The following GALNTL6 variants were observed in gnomAD, a reference collection of about 807,000 sequenced individuals.
The protein encoded by GALNTL6 is polypeptide N-acetylgalactosaminyltransferase like 6.
A neutral mutation model predicts 73.7 loss-of-function variants in GALNTL6; 46 were observed. The observed-to-expected ratio is 0.62, with a 90% CI of 0.49 to 0.80. The LOEUF is 0.80. Among genes scored for constraint, GALNTL6 ranks in the 30% least tolerant of loss-of-function variants. The pLI is 0.00. For synonymous variants in GALNTL6, 259 were observed against 263.7 expected, an observed-to-expected ratio of 0.98 and a Z score of 0.17; for missense variants, 604 against 755.0, an observed-to-expected ratio of 0.80 and a Z score of 2.34.
intron 5 of GALNTL6, among the ~76,000 whole-genome samples, chr4:172,457,243 A>G (rs1306220934): frequency 6.6e-6 from 1 of 152,090 alleles, no homozygotes; most frequent in Non-Finnish European, 1.5e-5. Context: ...AAACAGTACC[A>G]GCCACTGCAA....
chr4:172,919,996 A>T (rs1579655246), intron 8 of GALNTL6, among the ~76,000 whole-genome samples: 1 of 152,236 alleles, frequency 6.6e-6, no homozygotes, highest in African/African-American at 2.4e-5. Flanking sequence ...GAACAATGTA[A>T]CCTCTGAAGC....
At chr4:172,042,118 T>C (rs995251183) in intron 2 of GALNTL6, among the ~76,000 whole-genome samples, 2 of 152,022 alleles carry the variant, frequency 1.3e-5, no homozygotes, top group Non-Finnish European at 2.9e-5. Context: ...CTGAACATTT[T>C]AGGTAAAGAC....
chr4:172,762,978 A>T (rs1331937826), intron 5 of GALNTL6, among the ~76,000 whole-genome samples: 2 of 150,020 alleles, frequency 1.3e-5, no homozygotes, highest in East Asian at 3.9e-4. Context: ...CTGCCATATG[A>T]TGGCTGCCAG....
chr4:172,815,438 A>C (rs1476087614), intron 7 of GALNTL6, among the ~76,000 whole-genome samples: 3 of 152,170 alleles, frequency 2.0e-5, no homozygotes, highest in African/African-American at 7.2e-5. Flanking sequence ...TATGATGTGA[A>C]AGTACACATT....
At chr4:172,865,198 C>T (rs1303507708) in intron 7 of GALNTL6, among the ~76,000 whole-genome samples, 2 of 152,226 alleles carry the variant, frequency 1.3e-5, no homozygotes, top group Non-Finnish European at 2.9e-5. Flanking sequence ...AGAGAAAAGG[C>T]TGGTGCACTA....
At chr4:171,995,355 C>T (rs1477697707) in intron 2 of GALNTL6, among the ~76,000 whole-genome samples, 3 of 151,770 alleles carry the variant, frequency 2.0e-5, no homozygotes, top group African/African-American at 7.3e-5. Flanking sequence ...AAAAACATAC[C>T]TAACAGTGAG....
intron 5 of GALNTL6, among the ~76,000 whole-genome samples, chr4:172,759,331 A>G (rs1267405638): frequency 1.3e-5 from 2 of 152,198 alleles, no homozygotes; most frequent in African/African-American, 4.8e-5. Context: ...AGGTGTGACC[A>G]TGTTCATATT....
intron 2 of GALNTL6, among the ~76,000 whole-genome samples, chr4:172,004,744 A>C (rs2110766347): frequency 1.1e-5 from 1 of 95,076 alleles, no homozygotes; most frequent in Admixed American, 1.3e-4. Context: ...TTGCAGAGAT[A>C]TGAAAAGAAA....
At position 172,341,388 on chromosome 4, in the gene GALNTL6, T is replaced by C. The variant is rs998462690; in HGVS notation, c.387-7135T>C. Among the ~76,000 whole-genome samples, 47 of 142,286 alleles carry C rather than the reference T, an allele frequency of 3.3e-4. No homozygotes were observed. The East Asian group carries it at 9.8e-3, about 30-fold the overall frequency. The allele number at this position is 142,286 out of a possible 152,430, so 93.3% of individuals were successfully genotyped here. ...ATGGCGTGAACCCGGGAGGCGGAGCTTGCAGTGAGCCGAGATCCCGCCACT... is the reference window on the plus strand; with the variant it reads ...ATGGCGTGAACCCGGGAGGCGGAGCCTGCAGTGAGCCGAGATCCCGCCACT... On this transcript the variant is annotated intron_variant, in intron 4 of 12. Coordinates refer to ENST00000506823, the MANE Select transcript of GALNTL6 (RefSeq NM_001034845.3).
intron 2 of GALNTL6, among the ~76,000 whole-genome samples, chr4:172,016,161 C>T (rs1217156762): frequency 6.6e-6 from 1 of 151,692 alleles, no homozygotes; most frequent in Non-Finnish European, 1.5e-5. Context: ...ATATGTTTTC[C>T]AAACATTTAG....
rs557443748 is a variant in GALNTL6 at position 172,673,319 on chromosome 4, G to T, written c.554-136042G>T. 1.4e-4 allele frequency among the ~76,000 whole-genome samples: 22 copies of T among 152,278 alleles called. 1 individual carries two copies. In the East Asian group the frequency reaches 3.7e-3, roughly 25 times the overall value. ...CTTAGTCTCGATTTCTAATTTGATTGTGCTGTGGTCCAAGAGATTGTTTGT... is the reference window on the plus strand; with the variant it reads ...CTTAGTCTCGATTTCTAATTTGATTTTGCTGTGGTCCAAGAGATTGTTTGT... On this transcript the variant is annotated intron_variant, in intron 5 of 12. Transcript: ENST00000506823.
rs535163093 is a variant in GALNTL6 at position 172,348,360 on chromosome 4, C to T, written c.387-163C>T. ...GTGAAAGGAGATCATTAATGCATTC[C>T]GTGAAGGAGCAGGATAACAATCATG... On this transcript the variant is annotated intron_variant, in intron 4 of 12. Coordinates refer to ENST00000506823, the MANE Select transcript of GALNTL6 (RefSeq NM_001034845.3). Among the ~76,000 whole-genome samples, 8 of 152,210 alleles carry T rather than the reference C, an allele frequency of 5.3e-5. No individual in the cohort carries two copies. The South Asian group carries it at 6.2e-4, about 12-fold the overall frequency.
intron 5 of GALNTL6, among the ~76,000 whole-genome samples, chr4:172,785,246 G>T (rs1224505253): frequency 6.6e-6 from 1 of 152,012 alleles, no homozygotes; most frequent in African/African-American, 2.4e-5. Context: ...ATACTTTTAT[G>T]GAAAAAATGT....
intron 3 of GALNTL6, among the ~76,000 whole-genome samples, chr4:172,238,121 T>G (rs1737300273): frequency 2.0e-5 from 3 of 151,912 alleles, no homozygotes; most frequent in Admixed American, 1.3e-4. Flanking sequence ...GTTGTGTGTT[T>G]AGTTTAGTTA....
At chr4:172,424,776 G>T (rs151068397) in intron 5 of GALNTL6, among the ~76,000 whole-genome samples, 2 of 152,082 alleles carry the variant, frequency 1.3e-5, no homozygotes, top group Non-Finnish European at 2.9e-5. Flanking sequence ...TATTCCATTG[G>T]CTAGAACTCA....
rs554017298 is a variant in GALNTL6 at position 172,885,389 on chromosome 4, G to C, written c.1041+2482G>C. Among the ~76,000 whole-genome samples, 8 of 152,104 alleles carry C rather than the reference G, an allele frequency of 5.3e-5. No homozygotes were observed. The South Asian group carries it at 1.7e-3, about 32-fold the overall frequency. Reference sequence around the variant, plus strand: ...TATAAATGGGATTGTTTTCTTGATTGCTTTTCAGATTGATTTCTGTTAGTG... The same window carrying C: ...TATAAATGGGATTGTTTTCTTGATTCCTTTTCAGATTGATTTCTGTTAGTG... On this transcript the variant is annotated intron_variant, in intron 8 of 12. Coordinates refer to ENST00000506823, the MANE Select transcript of GALNTL6 (RefSeq NM_001034845.3).
chr4:171,955,328 C>T (rs1176029084), intron 2 of GALNTL6, among the ~76,000 whole-genome samples: 1 of 151,900 alleles, frequency 6.6e-6, no homozygotes, highest in Non-Finnish European at 1.5e-5. Flanking sequence ...TATATATACA[C>T]CTTTTTATTT....
In GALNTL6 at chr4:171,908,868, A is replaced by C. The variant is rs570952320; in HGVS notation, c.138+94150A>C. On this transcript the variant is annotated intron_variant, in intron 2 of 12. Transcript: ENST00000506823. The stretch of plus-strand genomic sequence containing the variant: ...AGGGACATGGATGAAATTGGAAATC[A>C]TCATTCTCCGTAAACTATTGCAAGA... Among the ~76,000 whole-genome samples, 1,307 of 150,548 alleles carry C rather than the reference A, an allele frequency of 8.7e-3. 26 individuals carry two copies. Among genetic ancestry groups the C allele is most frequent in the African/African-American group, 0.031 (1,233 of 40,058 alleles).
rs549443220 is a variant in GALNTL6 at position 172,580,654 on chromosome 4, C to A, written c.554-228707C>A. On this transcript the variant is annotated intron_variant, in intron 5 of 12. Transcript: ENST00000506823. Reference sequence around the variant, plus strand: ...ATGTTTCCCCTTCTTTGTAGCCCCCCAGAATAATTCAGCACCTACTAGCCT... The same window carrying A: ...ATGTTTCCCCTTCTTTGTAGCCCCCAAGAATAATTCAGCACCTACTAGCCT... Among the ~76,000 whole-genome samples the A allele has an allele frequency of 2.0e-5, 3 of 152,286 alleles. No individual in the cohort carries two copies. The South Asian group carries it at 6.2e-4, about 32-fold the overall frequency.
Sources: allele counts gnomAD v4.1 joint callset (sites outside exome capture counted in the v4.1 genomes callset), GRCh38; gene constraint gnomAD v4.1.1; transcripts MANE v1.5; gene names NCBI Gene and HGNC (gene_info 2026-07-23, HGNC 2026-07-21).